The following PAPPA2 variants were observed in gnomAD, a reference collection of about 807,000 sequenced individuals.
PAPPA2 encodes pappalysin 2.
PAPPA2 carries 86 observed loss-of-function variants against 176.4 expected under a neutral mutation model. The observed-to-expected ratio is 0.49, with a 90% CI of 0.41 to 0.58. The LOEUF (loss-of-function observed/expected upper bound fraction) is 0.58, where lower values mean the gene tolerates loss of function less well. PAPPA2 is among the 20% of genes least tolerant of loss of function. PAPPA2 has a pLI of 0.00. For missense variants in PAPPA2, 2,073 were observed against 2,256.9 expected, an observed-to-expected ratio of 0.92 and a Z score of 1.65; for synonymous variants, 809 against 852.2, an observed-to-expected ratio of 0.95 and a Z score of 0.88.
intron 2 of PAPPA2, among the ~76,000 whole-genome samples, chr1:176,574,132 T>G (rs1431202476): frequency 6.6e-6 from 1 of 152,142 alleles, no homozygotes; most frequent in African/African-American, 2.4e-5. Flanking sequence ...CAAATGAATG[T>G]GGAGAAGTAC....
chr1:176,802,638 T>C (rs1665730736), intron 21 of PAPPA2, among the ~76,000 whole-genome samples: 1 of 152,162 alleles, frequency 6.6e-6, no homozygotes, highest in Admixed American at 6.5e-5. Flanking sequence ...TTTCTGCTTT[T>C]TGCTTCCCAG....
At chr1:176,839,735 G>A (rs1195551638) in intron 21 of PAPPA2, among the ~76,000 whole-genome samples, 14 of 152,042 alleles carry the variant, frequency 9.2e-5, no homozygotes, top group Admixed American at 2.0e-4. Context: ...ATGTGACCTG[G>A]GCAATTCTTA....
intron 14 of PAPPA2, among the ~76,000 whole-genome samples, chr1:176,750,570 A>C (rs915747615): frequency 3.9e-5 from 6 of 152,130 alleles, no homozygotes; most frequent in Non-Finnish European, 8.8e-5. Context: ...GCACCACTGC[A>C]CTCCAGCCTG....
At chr1:176,789,108 T>C (rs1665064206) in intron 17 of PAPPA2, among the ~76,000 whole-genome samples, 1 of 152,168 alleles carries the variant, frequency 6.6e-6, no homozygotes, top group South Asian at 2.1e-4. Context: ...CCAATTACAA[T>C]TTAGATGCTG....
intron 4 of PAPPA2, among the ~76,000 whole-genome samples, chr1:176,679,787 A>G (rs1659492595): frequency 6.6e-6 from 1 of 152,090 alleles, no homozygotes; most frequent in South Asian, 2.1e-4. Flanking sequence ...AGAGAGAAGT[A>G]CATTAGCAGA....
Position 176,776,581 on chromosome 1 carries a change from T to C in PAPPA2, c.4715+5401T>C, listed in dbSNP as rs145722285. 2.0e-3 allele frequency among the ~76,000 whole-genome samples: 308 copies of C among 152,202 alleles called. 1 individual carries two copies. Among genetic ancestry groups the C allele is most frequent in the African/African-American group, 5.9e-3 (246 of 41,530 alleles). On this transcript the variant is annotated intron_variant, in intron 17 of 22. Transcript: ENST00000367662. ...TTAGTGGAGCCTTGTCTGACCTAAA[T>C]TGGGGGAGAGCCTGAGATGGGCTGG...
intron 22 of PAPPA2, 144 bp from the exon 23 acceptor site, chr1:176,842,236 A>G: frequency 1.4e-6 from 1 of 717,730 alleles, no homozygotes; most frequent in East Asian, 2.7e-5. Flanking sequence ...GTGAGTGGGA[A>G]AACTGCGTGT....
chr1:176,670,539 G>C (rs1658933047), intron 3 of PAPPA2, among the ~76,000 whole-genome samples: 1 of 152,038 alleles, frequency 6.6e-6, no homozygotes, highest in African/African-American at 2.4e-5. Context: ...GCATATACTG[G>C]AAAAGAGATT....
At chr1:176,754,637 A>G (rs1421481132) in intron 14 of PAPPA2, among the ~76,000 whole-genome samples, 1 of 152,274 alleles carries the variant, frequency 6.6e-6, no homozygotes, top group East Asian at 1.9e-4. Context: ...CAAGAGAAGT[A>G]GAAAAAGTAG....
At chr1:176,754,814 A>T (rs1663341296) in intron 14 of PAPPA2, among the ~76,000 whole-genome samples, 1 of 152,228 alleles carries the variant, frequency 6.6e-6, no homozygotes, top group Non-Finnish European at 1.5e-5. Context: ...CCTGCCAAGG[A>T]GGCAGATGCT....
chr1:176,572,358 C>T (rs966586571), intron 2 of PAPPA2, among the ~76,000 whole-genome samples: 1 of 152,186 alleles, frequency 6.6e-6, no homozygotes, highest in Non-Finnish European at 1.5e-5. Context: ...CAGAGGTTGA[C>T]CCAGAGGTCA....
chr1:176,626,493 A>G (rs1656023171), intron 3 of PAPPA2, among the ~76,000 whole-genome samples: 1 of 152,198 alleles, frequency 6.6e-6, no homozygotes, highest in South Asian at 2.1e-4. Flanking sequence ...TGAGTGAGCT[A>G]TAGTGTACAG....
At chr1:176,748,658 A>G (rs909156156) in intron 14 of PAPPA2, among the ~76,000 whole-genome samples, 1 of 152,228 alleles carries the variant, frequency 6.6e-6, no homozygotes, top group African/African-American at 2.4e-5. Flanking sequence ...GAAAGACTGT[A>G]TATATAATAA....
intron 1 of PAPPA2, among the ~76,000 whole-genome samples, chr1:176,540,875 A>G (rs1183823359): frequency 6.6e-6 from 1 of 152,098 alleles, no homozygotes; most frequent in South Asian, 2.1e-4. Flanking sequence ...ATGGCTTCTG[A>G]GTTCTTACTG....
chr1:176,552,688 T>TA (rs1159084881), intron 1 of PAPPA2, among the ~76,000 whole-genome samples: 1 of 152,076 alleles, frequency 6.6e-6, no homozygotes, highest in Non-Finnish European at 1.5e-5. Context: ...CCCGTCAAAA[T>TA]AAAATGAATC....
chr1:176,616,732 GA>G, intron 3 of PAPPA2: 1 of 1,355,076 alleles, frequency 7.4e-7, no homozygotes, highest in Non-Finnish European at 1.0e-6. Flanking sequence ...TGTGTAATAG[GA>G]AATCTCATGT....
intron 21 of PAPPA2, among the ~76,000 whole-genome samples, chr1:176,823,791 C>G (rs1666756905): frequency 6.6e-6 from 1 of 152,076 alleles, no homozygotes; most frequent in African/African-American, 2.4e-5. Flanking sequence ...ATAAGTGAGG[C>G]AGAACAATCT....
intron 21 of PAPPA2, among the ~76,000 whole-genome samples, chr1:176,834,092 T>C (rs1204990093): frequency 6.6e-6 from 1 of 152,220 alleles, no homozygotes; most frequent in Non-Finnish European, 1.5e-5. Flanking sequence ...CAATCATATT[T>C]ATTTATTTGT....
At chr1:176,529,682 A>G (rs1649698275) in intron 1 of PAPPA2, among the ~76,000 whole-genome samples, 1 of 152,178 alleles carries the variant, frequency 6.6e-6, no homozygotes, top group Non-Finnish European at 1.5e-5. Context: ...TCTCCATCCC[A>G]AACAGGACAC....
Sources: allele counts gnomAD v4.1 joint callset (sites outside exome capture counted in the v4.1 genomes callset), GRCh38; gene constraint gnomAD v4.1.1; transcripts MANE v1.5; gene names NCBI Gene and HGNC (gene_info 2026-07-23, HGNC 2026-07-21).